Variants in JARID2 observed in about 807,000 individuals in gnomAD.
JARID2 encodes jumonji and AT-rich interaction domain containing 2.
A neutral mutation model predicts 125.6 loss-of-function variants in JARID2; 21 were observed. The ratio of observed to expected loss-of-function variants is 0.17; its 90% CI spans 0.12 to 0.24. JARID2 has a LOEUF of 0.24. Ranked by LOEUF, JARID2 falls within the 10% of genes least tolerant of loss-of-function variation. JARID2 has a pLI of 1.00. For synonymous variants in JARID2, 736 were observed against 661.6 expected, an observed-to-expected ratio of 1.11 and a Z score of -1.73; for missense variants, 1,303 against 1,639.6, an observed-to-expected ratio of 0.79 and a Z score of 3.55.
intron 3 of JARID2, among the ~76,000 whole-genome samples, chr6:15,439,222 A>G (rs755642960): frequency 1.3e-5 from 2 of 152,164 alleles, no homozygotes; most frequent in Non-Finnish European, 2.9e-5. Flanking sequence ...GACATTGCTC[A>G]TTTAAGAAGT....
At chr6:15,518,522 G>A (rs1446536335) in intron 17 of JARID2, among the ~76,000 whole-genome samples, 3 of 152,084 alleles carry the variant, frequency 2.0e-5, no homozygotes, top group Admixed American at 6.5e-5. Context: ...TCGCTCTGTC[G>A]CCAGGCTGGA....
intron 3 of JARID2, among the ~76,000 whole-genome samples, chr6:15,443,170 A>G (rs1767520033): frequency 6.6e-6 from 1 of 151,688 alleles, no homozygotes; most frequent in Non-Finnish European, 1.5e-5. Flanking sequence ...TGCGAGCAAG[A>G]ATGGTGTCTT....
chr6:15,481,127 G>GGT (rs1326444412), intron 5 of JARID2, among the ~76,000 whole-genome samples: 1 of 152,288 alleles, frequency 6.6e-6, no homozygotes, highest in Admixed American at 6.5e-5. Flanking sequence ...TCAGGGATGA[G>GGT]GTGACCCTAA....
chr6:15,336,652 T>C (rs1423394318), intron 1 of JARID2, among the ~76,000 whole-genome samples: 1 of 79,548 alleles, frequency 1.3e-5, no homozygotes, highest in Non-Finnish European at 2.4e-5. Flanking sequence ...TTCAGGATTC[T>C]TTTTTTTTTT....
At chr6:15,514,992 A>G (rs148312241) in intron 16 of JARID2, among the ~76,000 whole-genome samples, 69 of 152,130 alleles carry the variant, frequency 4.5e-4, no homozygotes, top group African/African-American at 1.3e-3. Context: ...TCTTCAAAGT[A>G]TCTTATAAAC....
chr6:15,285,546 C>G (rs1760964197), intron 1 of JARID2, among the ~76,000 whole-genome samples: 1 of 151,484 alleles, frequency 6.6e-6, no homozygotes. Context: ...TTAAAAATGA[C>G]AAATAAGGAA....
chr6:15,337,789 C>T (rs982897822), intron 1 of JARID2, among the ~76,000 whole-genome samples: 1 of 152,170 alleles, frequency 6.6e-6, no homozygotes, highest in Non-Finnish European at 1.5e-5. Context: ...GGAACGGCCC[C>T]TGCTGGCTGA....
At chr6:15,249,905 A>G (rs775338457) in intron 1 of JARID2, among the ~76,000 whole-genome samples, 1 of 152,314 alleles carries the variant, frequency 6.6e-6, no homozygotes, top group Admixed American at 6.5e-5. Context: ...GAAAGCCCCA[A>G]TCGACTTGGA....
chr6:15,428,123 C>T (rs1377350349), intron 3 of JARID2, among the ~76,000 whole-genome samples: 1 of 151,950 alleles, frequency 6.6e-6, no homozygotes, highest in African/African-American at 2.4e-5. Context: ...AAATTGGGTT[C>T]ATTTCTGCTT....
intron 1 of JARID2, among the ~76,000 whole-genome samples, chr6:15,315,604 T>TA (rs1581403016): frequency 6.6e-6 from 1 of 152,180 alleles, no homozygotes; most frequent in African/African-American, 2.4e-5. Context: ...TGAGATGAGA[T>TA]ACGGTCAAAA....
intron 1 of JARID2, among the ~76,000 whole-genome samples, chr6:15,369,694 G>A (rs1764096877): frequency 6.6e-6 from 1 of 152,206 alleles, no homozygotes; most frequent in Non-Finnish European, 1.5e-5. Flanking sequence ...CTAGAGGGTC[G>A]GGCAGGAGCA....
Position 15,507,207 on chromosome 6 carries a change from C to T in JARID2, c.2613C>T (p.Asn871=), listed in dbSNP as rs1175231608. Residue 871 remains asparagine (N), a synonymous_variant, in exon 10 of 18, where the codon AAC becomes AAT. Coordinates refer to ENST00000341776, the MANE Select transcript of JARID2 (RefSeq NM_004973.4). The part of the protein sequence containing the change: ...VAVHCGKVDT[N]THGSGFPVGK... ...TGCACTGCGGCAAGGTGGACACCAA[C>T]ACTCACGGCAGTGGATTCCCAGTAG... 1 of 1,613,930 alleles carries T rather than the reference C, an allele frequency of 6.2e-7. No homozygotes were observed. The highest frequency in any genetic ancestry group is 1.7e-5 in the Admixed American group (1 of 60,022).
chr6:15,253,527 A>G (rs528429675), intron 1 of JARID2, among the ~76,000 whole-genome samples: 1 of 152,224 alleles, frequency 6.6e-6, no homozygotes, highest in African/African-American at 2.4e-5. Context: ...GGCTGTAGGA[A>G]AGAGCCCACG....
intron 1 of JARID2, among the ~76,000 whole-genome samples, chr6:15,322,108 T>C (rs1452382723): frequency 6.6e-6 from 1 of 152,150 alleles, no homozygotes; most frequent in Non-Finnish European, 1.5e-5. Context: ...AGATTTAGTG[T>C]CTAGTGGTTA....
intron 1 of JARID2, among the ~76,000 whole-genome samples, chr6:15,300,128 T>G (rs772006171): frequency 1.3e-5 from 2 of 152,200 alleles, no homozygotes; most frequent in Non-Finnish European, 2.9e-5. Context: ...AGGGTGTGCT[T>G]CTTTATCTCC....
At chr6:15,488,323 G>C (rs530668612) in intron 6 of JARID2, among the ~76,000 whole-genome samples, 1 of 152,238 alleles carries the variant, frequency 6.6e-6, no homozygotes, top group South Asian at 2.1e-4. Flanking sequence ...GTTCCTGCAG[G>C]CACACAGCTG....
chr6:15,267,494 A>T (rs1372052340), intron 1 of JARID2, among the ~76,000 whole-genome samples: 1 of 152,164 alleles, frequency 6.6e-6, no homozygotes, highest in Non-Finnish European at 1.5e-5. Flanking sequence ...AGGTACAAGG[A>T]TGTTCTTAGA....
intron 3 of JARID2, among the ~76,000 whole-genome samples, chr6:15,443,217 G>T (rs1767522002): frequency 6.6e-6 from 1 of 152,136 alleles, no homozygotes; most frequent in Non-Finnish European, 1.5e-5. Context: ...TGCAAGGCTT[G>T]CCTTGTCCTT....
intron 2 of JARID2, among the ~76,000 whole-genome samples, chr6:15,409,157 T>G (rs1196449806): frequency 6.6e-6 from 1 of 152,232 alleles, no homozygotes; most frequent in Non-Finnish European, 1.5e-5. Flanking sequence ...TTCTACATAG[T>G]GTTTAGTACA....
Sources: gnomAD v4.1 joint callset for allele counts (sites outside exome capture counted in the v4.1 genomes callset) on GRCh38, gnomAD v4.1.1 for gene constraint, MANE v1.5 for transcripts, NCBI Gene and HGNC (gene_info 2026-07-23, HGNC 2026-07-21) for gene names.